The following NEXN variants were observed in gnomAD, a reference collection of about 807,000 sequenced individuals.
The protein encoded by NEXN is nexilin F-actin binding protein, also known as nexilin.
A neutral mutation model predicts 92.6 loss-of-function variants in NEXN; 65 were observed. The ratio of observed to expected loss-of-function variants is 0.70; its 90% confidence interval spans 0.57 to 0.86. The LOEUF is 0.86. NEXN is among the 40% of genes least tolerant of loss of function. The pLI, the probability that NEXN is intolerant of heterozygous loss-of-function variation, is 0.00. For missense variants in NEXN, 778 were observed against 771.1 expected (o/e 1.01, Z -0.11); for synonymous variants, 254 against 242.5 (o/e 1.05, Z -0.44).
At chr1:77,934,217 C>A (rs995718345) in intron 10 of NEXN, among the ~76,000 whole-genome samples, 1 of 152,040 alleles carries the variant, frequency 6.6e-6, no homozygotes. Flanking sequence ...ACCATGTCGG[C>A]CAGGCTGATC....
intron 5 of NEXN, among the ~76,000 whole-genome samples, chr1:77,923,003 CTTT>C (rs753111389): frequency 8.9e-6 from 1 of 112,344 alleles, no homozygotes. Flanking sequence ...AATTGGGTGT[CTTT>C]TTTTTTTTTT....
In NEXN at chr1:77,926,616, AT is replaced by A; in HGVS notation, c.687+10del. On this transcript the variant is annotated splice_donor_region_variant and intron_variant, in intron 7 of 12. Transcript: ENST00000334785. ...AAGTGTCTTTCATTAGTTATGGTAA[AT>A]TTTTGTTTGTTTGTTTTCTAAGAAA... 1.2e-6 allele frequency: 2 copies of A among 1,613,920 alleles called. No homozygotes were observed. The highest frequency in any genetic ancestry group is 1.7e-6 in the Non-Finnish European group (2 of 1,179,938).
chr1:77,926,924 T>C (rs1285888798), intron 8 of NEXN, 32 bp downstream of exon 8: 2 of 1,612,974 alleles, frequency 1.2e-6, no homozygotes, highest in Non-Finnish European at 1.7e-6. Context: ...TTACAATTAA[T>C]ATTAATGAAG....
At chr1:77,926,656 TTTAAG>T (rs1649872200) in intron 7 of NEXN, 45 bp downstream of exon 7, 1 of 1,613,734 alleles carries the variant, frequency 6.2e-7, no homozygotes, top group South Asian at 1.1e-5. Flanking sequence ...ATCAAGGCAG[TTTAAG>T]TTAGCAGCAT....
At chr1:77,918,390 C>G (rs1649157309) in intron 5 of NEXN, 117 bp downstream of exon 5, 1 of 1,231,708 alleles carries the variant, frequency 8.1e-7, no homozygotes, top group Non-Finnish European at 1.2e-6. Context: ...TAAAAAGCAG[C>G]TAACCGTCTG....
At chr1:77,937,023 A>T (rs1034992150) in intron 11 of NEXN, among the ~76,000 whole-genome samples, 2 of 152,128 alleles carry the variant, frequency 1.3e-5, no homozygotes, top group Non-Finnish European at 2.9e-5. Flanking sequence ...TAAAACATGG[A>T]TATTGTCTGG....
chr1:77,935,845 T>C lies in NEXN; in HGVS notation c.1274T>C (p.Phe425Ser), dbSNP rs1409650449. 3.1e-6 allele frequency: 5 copies of C among 1,612,710 alleles called. No homozygotes were observed. The African/African-American group carries it at 4.0e-5, about 13-fold the overall frequency. Residue 425 changes from phenylalanine (F) to serine (S), a missense_variant, in exon 11 of 13, where the codon TTT (phenylalanine) becomes TCT (serine). Transcript: ENST00000334785. ...AAGGAAGAGGAAGAAAATGAAACCT[T>C]TGGATTGAGCAGAGAATATGAAGAA... ...MGEEEEENET[F>S]GLSREYEELI...
rs772807288 is a variant in NEXN at position 77,933,506 on chromosome 1, C to G, written c.1251+27C>G. The G allele has an allele frequency of 2.1e-6, 3 of 1,444,584 alleles. No homozygotes were observed. The African/African-American group carries it at 4.2e-5, about 20-fold the overall frequency. 89.5% of individuals were successfully genotyped at this position (1,444,584 alleles called of 1,614,324 possible). On this transcript the variant is annotated intron_variant, in intron 10 of 12. Transcript: ENST00000334785. ...TAAGATTTTAAGAAATATCTATATT[C>G]CCCATATTTATTAAGCTAAATATTT...
At chr1:77,935,439 A>G (rs774943454) in intron 10 of NEXN, among the ~76,000 whole-genome samples, 2 of 152,244 alleles carry the variant, frequency 1.3e-5, no homozygotes, top group Non-Finnish European at 2.9e-5. Flanking sequence ...TTAGCAAGTT[A>G]TCAAGGAATG....
At chr1:77,929,844 A>G (rs992485843) in intron 9 of NEXN, among the ~76,000 whole-genome samples, 3 of 152,130 alleles carry the variant, frequency 2.0e-5, no homozygotes, top group Non-Finnish European at 4.4e-5. Context: ...CTTCCTCTCC[A>G]TTCTTTCGCC....
intron 1 of NEXN, among the ~76,000 whole-genome samples, chr1:77,891,725 A>T (rs1251239700): frequency 6.9e-6 from 1 of 145,480 alleles, no homozygotes; most frequent in Non-Finnish European, 1.5e-5. Context: ...TTACTTCCTG[A>T]TTACCAAGTG....
At chr1:77,934,004 A>AATTTTTTTTTTT (rs1289566597) in intron 10 of NEXN, among the ~76,000 whole-genome samples, 1 of 83,106 alleles carries the variant, frequency 1.2e-5, no homozygotes, top group African/African-American at 6.0e-5. Context: ...TGTCTGGCTA[A>AATTTTTTTTTTT]TTTTTAATTT....
intron 9 of NEXN, among the ~76,000 whole-genome samples, chr1:77,931,433 A>G (rs1650300238): frequency 1.3e-5 from 2 of 149,450 alleles, no homozygotes; most frequent in African/African-American, 4.9e-5. Flanking sequence ...AAAAAAAAAA[A>G]AAAAAAAAGA....
At chr1:77,890,293 C>T (rs934500024) in intron 1 of NEXN, among the ~76,000 whole-genome samples, 4 of 152,150 alleles carry the variant, frequency 2.6e-5, no homozygotes, top group Non-Finnish European at 5.9e-5. Flanking sequence ...GAATTCTAAG[C>T]TAAAACCACA....
intron 10 of NEXN, among the ~76,000 whole-genome samples, chr1:77,935,179 A>C (rs371066799): frequency 6.6e-6 from 1 of 152,180 alleles, no homozygotes; most frequent in South Asian, 2.1e-4. Context: ...CTGGGATTAC[A>C]GGCACAAGCC....
chr1:77,916,529 A>G (rs978685276), intron 2 of NEXN, among the ~76,000 whole-genome samples: 15 of 152,248 alleles, frequency 9.9e-5, no homozygotes, highest in African/African-American at 3.1e-4. Flanking sequence ...AGTGCCTTAT[A>G]TATATATTTT....
chr1:77,899,785 C>T (rs568135396), intron 1 of NEXN, among the ~76,000 whole-genome samples: 46 of 152,188 alleles, frequency 3.0e-4, no homozygotes, highest in African/African-American at 9.1e-4. Context: ...AAAGTAGGAG[C>T]GTAAGAAATA....
chr1:77,892,626 C>T (rs946223824), intron 1 of NEXN, among the ~76,000 whole-genome samples: 3 of 152,170 alleles, frequency 2.0e-5, no homozygotes, highest in Non-Finnish European at 4.4e-5. Flanking sequence ...TACTTAGCAA[C>T]AGGAACTGGG....
At chr1:77,938,905 G>A (rs1176399604) in intron 11 of NEXN, among the ~76,000 whole-genome samples, 5 of 152,172 alleles carry the variant, frequency 3.3e-5, no homozygotes, top group African/African-American at 1.2e-4. Context: ...AGGATACAAG[G>A]TTGTAAAAAT....
Sources: allele counts gnomAD v4.1 joint callset (sites outside exome capture counted in the v4.1 genomes callset), GRCh38; gene constraint gnomAD v4.1.1; transcripts MANE v1.5; gene names NCBI Gene and HGNC (gene_info 2026-07-23, HGNC 2026-07-21).